TMEM116: variants seen among roughly 807,000 people sequenced by gnomAD.
TMEM116 encodes transmembrane protein 116.
A neutral mutation model predicts 44.3 loss-of-function variants in TMEM116; 38 were observed. That is an observed-to-expected ratio of 0.86 (90% confidence interval 0.66 to 1.12). TMEM116 has a LOEUF of 1.12. Ranked by LOEUF, TMEM116 falls within the 50% of genes most tolerant of loss-of-function variation. TMEM116 has a pLI of 0.00. For synonymous variants in TMEM116, 132 were observed against 144.8 expected (o/e 0.91, Z 0.64); for missense variants, 354 against 401.7 (o/e 0.88, Z 1.01).
rs530606736 is a variant in TMEM116 at position 111,957,379 on chromosome 12, C to T, written c.211-14010G>A. ...GCCGCCCTGTCTGAGAAGTGAGGAG[C>T]CCCTCCGCCCGGCAGCCGCCCCATC... On this transcript the variant is annotated intron_variant, in intron 4 of 10. Coordinates refer to ENST00000552374, the MANE Select transcript of TMEM116 (RefSeq NM_001193531.2). Among the ~76,000 whole-genome samples the T allele has an allele frequency of 6.0e-5, 9 of 149,080 alleles. No individual in the cohort carries two copies. In the South Asian group the frequency reaches 1.9e-3, roughly 32 times the overall value.
intron 4 of TMEM116, among the ~76,000 whole-genome samples, chr12:111,979,365 T>C (rs1379387084): frequency 6.6e-6 from 1 of 151,130 alleles, no homozygotes; most frequent in East Asian, 1.9e-4. Flanking sequence ...AACATTGTGC[T>C]AAGTGAAAGA....
chr12:111,991,818 G>C lies in TMEM116; in HGVS notation c.150C>G (p.Leu50=). Residue 50 remains leucine (L), a synonymous_variant, in exon 4 of 11, where the codon CTC becomes CTG. Transcript: ENST00000552374. ...LGLCWLTETL[L]YGASVANKDI... is the part of the protein sequence containing the mutation. The stretch of plus-strand genomic sequence containing the variant: ...CCTTATTTGCTACTGAAGCTCCATA[G>C]AGAAGTGTCTCCGTGAGCCAGCAAA... 5 of 1,536,010 alleles carry C rather than the reference G, an allele frequency of 3.3e-6. No homozygotes were observed. Among genetic ancestry groups the C allele is most frequent in the Non-Finnish European group, 4.4e-6 (5 of 1,146,706 alleles).
At chr12:112,009,857 A>C (rs1000134823) in intron 1 of TMEM116, among the ~76,000 whole-genome samples, 10 of 151,982 alleles carry the variant, frequency 6.6e-5, no homozygotes, top group South Asian at 2.1e-4. Context: ...AAAAAAAAAA[A>C]CAAAACAAAA....
Position 111,992,323 on chromosome 12 carries a change from G to A in TMEM116, c.79-434C>T, listed in dbSNP as rs189080930. Among the ~76,000 whole-genome samples, 152 of 150,840 alleles carry A rather than the reference G, an allele frequency of 1.0e-3. 2 individuals are homozygous for A. Among genetic ancestry groups the A allele is most frequent in the Admixed American group, 8.7e-3 (131 of 15,128 alleles). On this transcript the variant is annotated intron_variant, in intron 3 of 10. Transcript: ENST00000552374. ...TTCGCTCTGTCGCCCAGGCTAGAGT[G>A]CAGTGGCACGATCTCGGCTCATTGC...
intron 4 of TMEM116, among the ~76,000 whole-genome samples, chr12:111,973,599 C>T (rs2075489058): frequency 6.6e-6 from 1 of 152,154 alleles, no homozygotes; most frequent in African/African-American, 2.4e-5. Flanking sequence ...CATCAACTTC[C>T]ATTTTAAGAA....
intron 3 of TMEM116, among the ~76,000 whole-genome samples, chr12:111,998,849 A>G (rs550043779): frequency 1.2e-4 from 19 of 152,268 alleles, no homozygotes; most frequent in Non-Finnish European, 2.5e-4. Context: ...GGGAAAGGAA[A>G]GGAAAGGACC....
At chr12:112,004,384 A>G (rs1297576740) in intron 2 of TMEM116, among the ~76,000 whole-genome samples, 1 of 151,886 alleles carries the variant, frequency 6.6e-6, no homozygotes, top group East Asian at 1.9e-4. Flanking sequence ...TCCTGGGCTA[A>G]AGTGATCCTC....
chr12:112,003,945 TAC>T lies in TMEM116; in HGVS notation c.15-84_15-83del, dbSNP rs961735011. On this transcript the variant is annotated intron_variant, in intron 2 of 10. Coordinates refer to ENST00000552374, the MANE Select transcript of TMEM116 (RefSeq NM_001193531.2). ...TTTGTTATTAATTTTGGGTTTTTTTTACAGTTTTATTGGCATAATTGATATAA... is the reference window on the plus strand; with the variant it reads ...TTTGTTATTAATTTTGGGTTTTTTTTAGTTTTATTGGCATAATTGATATAA... 5.6e-5 allele frequency: 79 copies of T among 1,414,848 alleles called. No homozygotes were observed. The African/African-American group carries it at 1.1e-3, about 19-fold the overall frequency. 87.6% of individuals were successfully genotyped at this position (1,414,848 alleles called of 1,614,324 possible).
intron 4 of TMEM116, among the ~76,000 whole-genome samples, chr12:111,971,275 TTAA>T (rs1380545112): frequency 6.6e-6 from 1 of 152,100 alleles, no homozygotes; most frequent in East Asian, 1.9e-4. Flanking sequence ...TTAAATACCA[TTAA>T]TAATAAACTA....
chr12:111,938,408 AT>A (rs2072353803), intron 5 of TMEM116, among the ~76,000 whole-genome samples, 198 bp from the exon 6 acceptor site: 1 of 152,170 alleles, frequency 6.6e-6, no homozygotes, highest in Non-Finnish European at 1.5e-5. Flanking sequence ...TTTTATCTCT[AT>A]TACTATATTC....
intron 4 of TMEM116, among the ~76,000 whole-genome samples, chr12:111,943,727 G>A (rs1011206799): frequency 6.6e-5 from 10 of 152,000 alleles, no homozygotes; most frequent in Admixed American, 1.3e-4. Flanking sequence ...GGTAGAGATC[G>A]GGTTTCACCA....
At chr12:111,990,249 C>A (rs984292970) in intron 4 of TMEM116, among the ~76,000 whole-genome samples, 1 of 137,848 alleles carries the variant, frequency 7.3e-6, no homozygotes. Flanking sequence ...AGCGAGACTC[C>A]GCCTCAAAAA....
chr12:111,983,440 T>TAA (rs934170052), intron 4 of TMEM116, among the ~76,000 whole-genome samples: 1 of 146,154 alleles, frequency 6.8e-6, no homozygotes. Context: ...AGACTCTATC[T>TAA]AAAAAAAAAA....
intron 4 of TMEM116, among the ~76,000 whole-genome samples, chr12:111,976,406 G>A (rs931875458): frequency 2.6e-5 from 4 of 152,078 alleles, no homozygotes; most frequent in African/African-American, 7.2e-5. Context: ...CTTGAAACCG[G>A]AAGGCGGAGG....
chr12:111,970,826 G>A (rs1421401578), intron 4 of TMEM116, among the ~76,000 whole-genome samples: 1 of 151,890 alleles, frequency 6.6e-6, no homozygotes, highest in Non-Finnish European at 1.5e-5. Context: ...CTGACCTCGT[G>A]ATCCGCCCGC....
chr12:111,984,260 T>C (rs551044853), intron 4 of TMEM116, among the ~76,000 whole-genome samples: 3 of 152,248 alleles, frequency 2.0e-5, no homozygotes, highest in Middle Eastern at 6.8e-3. Flanking sequence ...AGATCTGTCA[T>C]TTGCAACAAC....
chr12:111,973,725 G>A lies in TMEM116; in HGVS notation c.210+18033C>T, dbSNP rs145266474. Among the ~76,000 whole-genome samples the A allele has an allele frequency of 2.9e-3, 436 of 152,034 alleles. 1 individual carries two copies. Among genetic ancestry groups the A allele is most frequent in the African/African-American group, 9.8e-3 (406 of 41,478 alleles). ...CCAGCACTTTGGGAGGCCGAGGCTG[G>A]AGATCACTTGAGTCCAGGAGTTTGA... On this transcript the variant is annotated intron_variant, in intron 4 of 10. Transcript: ENST00000552374.
intron 4 of TMEM116, among the ~76,000 whole-genome samples, chr12:111,944,870 G>A (rs182540430): frequency 1.5e-3 from 222 of 151,964 alleles, no homozygotes; most frequent in African/African-American, 5.2e-3. Context: ...TTCTGTAATG[G>A]GACCAAATTA....
intron 2 of TMEM116, among the ~76,000 whole-genome samples, chr12:112,004,585 C>T (rs898400632): frequency 5.1e-4 from 78 of 152,266 alleles, no homozygotes; most frequent in African/African-American, 1.8e-3. Flanking sequence ...CCATATCCAG[C>T]CAATATTTTT....
Sources: gnomAD v4.1 joint callset for allele counts (sites outside exome capture counted in the v4.1 genomes callset) on GRCh38, gnomAD v4.1.1 for gene constraint, MANE v1.5 for transcripts, NCBI Gene and HGNC (gene_info 2026-07-23, HGNC 2026-07-21) for gene names.